The following ZBTB7C variants were observed in gnomAD, a reference collection of about 807,000 sequenced individuals.
ZBTB7C encodes the protein zinc finger and BTB domain-containing protein 7C.
In ZBTB7C, 8 loss-of-function variants were observed where a neutral mutation model predicts 25.7. The observed-to-expected ratio is 0.31, with a 90% CI of 0.18 to 0.56. The LOEUF is 0.56. Ranked by LOEUF, ZBTB7C falls within the 20% of genes least tolerant of loss-of-function variation. The pLI, the probability that ZBTB7C is intolerant of heterozygous loss-of-function variation, is 0.91. For synonymous variants in ZBTB7C, 394 were observed against 369.0 expected (o/e 1.07, Z -0.78); for missense variants, 824 against 855.2 (o/e 0.96, Z 0.46).
intron 2 of ZBTB7C, among the ~76,000 whole-genome samples, chr18:48,190,905 TG>T (rs2042178053): frequency 6.6e-6 from 1 of 152,218 alleles, no homozygotes; most frequent in Admixed American, 6.5e-5. Context: ...TAACCTTTCT[TG>T]GGCACAGCAC....
At chr18:48,281,055 T>C (rs986824311) in intron 2 of ZBTB7C, among the ~76,000 whole-genome samples, 4 of 152,162 alleles carry the variant, frequency 2.6e-5, no homozygotes, top group Admixed American at 6.5e-5. Context: ...GGTTTCGCCA[T>C]GTTGGCCAGA....
At chr18:48,160,367 T>A (rs2040969060) in intron 3 of ZBTB7C, among the ~76,000 whole-genome samples, 1 of 152,224 alleles carries the variant, frequency 6.6e-6, no homozygotes, top group African/African-American at 2.4e-5. Context: ...GTCCCTAACA[T>A]GGAGCTACCC....
chr18:48,330,570 T>C (rs1182776698), intron 2 of ZBTB7C, among the ~76,000 whole-genome samples: 1 of 151,626 alleles, frequency 6.6e-6, no homozygotes, highest in Non-Finnish European at 1.5e-5. Flanking sequence ...GATATGATGA[T>C]GATGATGATG....
At chr18:48,237,083 T>C (rs2043400118) in intron 2 of ZBTB7C, among the ~76,000 whole-genome samples, 1 of 152,194 alleles carries the variant, frequency 6.6e-6, no homozygotes, top group South Asian at 2.1e-4. Context: ...CTGGAAATGC[T>C]GTCCGGAGCA....
chr18:48,043,844 A>C (rs55777238), intron 3 of ZBTB7C, among the ~76,000 whole-genome samples: 10,311 of 152,246 alleles, frequency 0.068, 665 homozygotes, highest in African/African-American at 0.16. Flanking sequence ...AAACAACCTA[A>C]AGCCACTAAT....
chr18:48,029,749 G>T lies in ZBTB7C; in HGVS notation c.1371C>A (p.Phe457Leu). The T allele has an allele frequency of 1.2e-6, 2 of 1,608,016 alleles. No individual in the cohort carries two copies. Among genetic ancestry groups the T allele is most frequent in the Non-Finnish European group, 8.5e-7 (1 of 1,179,978 alleles). ...PYQCEFCYKS[F>L]TRSDHLHRHI... ...GGCGGTGCAGGTGGTCAGAGCGCGT[G>T]AAGCTCTTGTAGCAGAACTCGCACT... is the stretch of plus-strand genomic sequence containing the variant. The change falls in exon 5 of 5, where the codon TTC becomes TTA. Residue 457 changes from phenylalanine to leucine, a missense_variant. Physicochemically the swap from Phe to Leu is conservative, Grantham distance 22 (BLOSUM62 0). This residue lies in a region of ZBTB7C where 342 missense variants were observed against 307.0 expected (regional missense o/e 1.11). Coordinates refer to ENST00000590800, the MANE Select transcript of ZBTB7C (RefSeq NM_001318841.2).
chr18:48,132,354 A>G (rs1317919963), intron 3 of ZBTB7C, among the ~76,000 whole-genome samples: 1 of 152,242 alleles, frequency 6.6e-6, no homozygotes, highest in Non-Finnish European at 1.5e-5. Context: ...ATTTATACGA[A>G]AGGTCCAGAA....
chr18:48,344,751 C>T (rs1354942457), intron 1 of ZBTB7C, among the ~76,000 whole-genome samples: 1 of 152,186 alleles, frequency 6.6e-6, no homozygotes, highest in Non-Finnish European at 1.5e-5. Flanking sequence ...AAGCAGACTA[C>T]CAATTATATG....
At chr18:48,328,106 C>T (rs376569869) in intron 2 of ZBTB7C, among the ~76,000 whole-genome samples, 11 of 146,510 alleles carry the variant, frequency 7.5e-5, no homozygotes, top group Admixed American at 2.8e-4. Context: ...GGCATGAACC[C>T]GGGAGGTGGA....
chr18:48,126,423 C>G (rs1381807564), intron 3 of ZBTB7C, among the ~76,000 whole-genome samples: 1 of 152,236 alleles, frequency 6.6e-6, no homozygotes, highest in East Asian at 1.9e-4. Flanking sequence ...CAGCCCTAGA[C>G]AGTGTGACCC....
At chr18:48,238,882 C>G (rs756093388) in intron 2 of ZBTB7C, among the ~76,000 whole-genome samples, 14 of 152,154 alleles carry the variant, frequency 9.2e-5, no homozygotes, top group Non-Finnish European at 2.1e-4. Context: ...CAGCAGGGAG[C>G]CTTGTAGCCG....
chr18:48,029,439 G>C lies in ZBTB7C; in HGVS notation c.1681C>G (p.Arg561Gly), dbSNP rs775360190. 2.5e-6 allele frequency: 4 copies of C among 1,593,270 alleles called. No homozygotes were observed. The South Asian group carries it at 3.4e-5, about 13-fold the overall frequency. Residue 561 changes from arginine (R) to glycine (G), a missense_variant, in exon 5 of 5, where the codon CGC becomes GGC. Physicochemically the swap from Arg to Gly is moderately radical, Grantham distance 125 (BLOSUM62 -2). Coordinates refer to ENST00000590800, the MANE Select transcript of ZBTB7C (RefSeq NM_001318841.2). ...FEETQMKLFG[R>G]AQLEAERNAG... ...TTCCTCTCAGCCTCCAGCTGCGCGC[G>C]CCCGAACAGCTTCATCTGTGTCTCC...
chr18:48,142,280 A>G (rs888389698), intron 3 of ZBTB7C, among the ~76,000 whole-genome samples: 1 of 152,262 alleles, frequency 6.6e-6, no homozygotes, highest in Admixed American at 6.5e-5. Flanking sequence ...GGCAAGGGCA[A>G]GGAGCTGTAG....
rs182117212 is a variant in ZBTB7C at position 48,323,869 on chromosome 18, G to A, written c.-79+14305C>T. Reference sequence around the variant, plus strand: ...AACTGTGATGCTATGGTCTGAATGTGTGTATACTCCCAAAACTCATATGCT... The same window carrying A: ...AACTGTGATGCTATGGTCTGAATGTATGTATACTCCCAAAACTCATATGCT... On this transcript the variant is annotated intron_variant, in intron 2 of 4. Coordinates refer to ENST00000590800, the MANE Select transcript of ZBTB7C (RefSeq NM_001318841.2). 3.3e-3 allele frequency among the ~76,000 whole-genome samples: 499 copies of A among 152,166 alleles called. 4 individuals carry two copies. Among genetic ancestry groups the A allele is most frequent in the African/African-American group, 0.01 (419 of 41,502 alleles).
intron 2 of ZBTB7C, among the ~76,000 whole-genome samples, chr18:48,314,908 G>T (rs1006334038): frequency 6.6e-6 from 1 of 152,194 alleles, no homozygotes; most frequent in Admixed American, 6.5e-5. Flanking sequence ...GCCAGCAGGG[G>T]AGTCCTGAGC....
At chr18:48,354,062 C>T (rs1260849058) in intron 1 of ZBTB7C, among the ~76,000 whole-genome samples, 1 of 152,210 alleles carries the variant, frequency 6.6e-6, no homozygotes, top group Non-Finnish European at 1.5e-5. Context: ...TTTCTCAGAT[C>T]CTCATTCAAC....
intron 2 of ZBTB7C, among the ~76,000 whole-genome samples, chr18:48,319,514 T>C (rs936460671): frequency 6.6e-6 from 1 of 152,116 alleles, no homozygotes; most frequent in Non-Finnish European, 1.5e-5. Context: ...TTTTTTATAG[T>C]CAAAAGGAAA....
At chr18:48,042,391 T>C (rs2036287795) in intron 3 of ZBTB7C, among the ~76,000 whole-genome samples, 1 of 152,192 alleles carries the variant, frequency 6.6e-6, no homozygotes, top group African/African-American at 2.4e-5. Flanking sequence ...AGATAAATCC[T>C]AGCAAAGCCC....
intron 2 of ZBTB7C, among the ~76,000 whole-genome samples, chr18:48,298,555 C>T (rs1022073540): frequency 6.6e-6 from 1 of 152,220 alleles, no homozygotes; most frequent in Admixed American, 6.5e-5. Context: ...AGTTTCCCCT[C>T]CCTGTTGATG....
Sources: allele counts gnomAD v4.1 joint callset (sites outside exome capture counted in the v4.1 genomes callset), GRCh38; gene constraint gnomAD v4.1.1; regional missense constraint gnomAD v4.1.1; transcripts MANE v1.5; gene names NCBI Gene and HGNC (gene_info 2026-07-23, HGNC 2026-07-21).